CLOCK: variants seen among roughly 807,000 people sequenced by gnomAD.
CLOCK encodes the protein clock circadian regulator.
CLOCK carries 43 observed loss-of-function variants against 118.4 expected under a neutral mutation model. The ratio of observed to expected loss-of-function variants is 0.36; its 90% CI spans 0.28 to 0.47. The LOEUF (loss-of-function observed/expected upper bound fraction) is 0.47, where lower values mean the gene tolerates loss of function less well. CLOCK is among the 20% of genes least tolerant of loss of function. CLOCK has a pLI of 1.00. For missense variants in CLOCK, 846 were observed against 999.9 expected (o/e 0.85, Z 2.08); for synonymous variants, 326 against 339.2 (o/e 0.96, Z 0.43).
At position 55,487,774 on chromosome 4, in the gene CLOCK, T is replaced by C. The variant is rs183625159; in HGVS notation, c.-44+1600A>G. Among the ~76,000 whole-genome samples, 548 of 152,326 alleles carry C rather than the reference T, an allele frequency of 3.6e-3. 3 individuals are homozygous for C. Among genetic ancestry groups the C allele is most frequent in the Non-Finnish European group, 6.6e-3 (451 of 68,020 alleles). On this transcript the variant is annotated intron_variant, in intron 3 of 22. Coordinates refer to ENST00000513440, the MANE Select transcript of CLOCK (RefSeq NM_004898.4). ...TTCAATTCATGAAAATTATAGAGGTTCTACAGTGCCAAGAAGTTTGTTTCA... is the reference window on the plus strand; with the variant it reads ...TTCAATTCATGAAAATTATAGAGGTCCTACAGTGCCAAGAAGTTTGTTTCA...
rs1411457169 is a variant in CLOCK, at chr4:55,435,163, A to T, written c.*252T>A. 3.9e-6 allele frequency: 2 copies of T among 506,756 alleles called. No individual in the cohort carries two copies. Among genetic ancestry groups the T allele is most frequent in the East Asian group, 7.1e-5 (2 of 28,296 alleles). 31.4% of individuals were successfully genotyped at this position (506,756 alleles called of 1,614,324 possible). A position where few individuals can be genotyped will look rare whatever the true frequency, so the allele number is the denominator to read the frequency against. ...TTGGCAATATATTCTTTTTCCATCA[A>T]AAAATATCCAGGCACCTAAAACACT... On this transcript the variant is annotated 3_prime_UTR_variant, in exon 23 of 23. Transcript: ENST00000513440.
At chr4:55,504,755 G>T (rs1728693097) in intron 2 of CLOCK, among the ~76,000 whole-genome samples, 1 of 152,124 alleles carries the variant, frequency 6.6e-6, no homozygotes, top group African/African-American at 2.4e-5. Context: ...GAAAAATACT[G>T]CTAATATAAA....
intron 11 of CLOCK, among the ~76,000 whole-genome samples, chr4:55,457,526 T>C (rs17085763): frequency 0.14 from 21,633 of 152,236 alleles, 3,267 homozygotes; most frequent in African/African-American, 0.38. Context: ...AAATATTATA[T>C]GACTTCCCTG....
chr4:55,539,258 A>C (rs899719295), intron 1 of CLOCK, among the ~76,000 whole-genome samples: 37 of 149,668 alleles, frequency 2.5e-4, no homozygotes, highest in South Asian at 6.4e-4. Context: ...ACAACAACAA[A>C]AAAAACACCA....
At chr4:55,468,172 C>G (rs1725864560) in intron 8 of CLOCK, among the ~76,000 whole-genome samples, 1 of 152,084 alleles carries the variant, frequency 6.6e-6, no homozygotes, top group Non-Finnish European at 1.5e-5. Context: ...GCTGCCCAGG[C>G]TGGTCTTGAA....
chr4:55,496,151 A>C (rs1728065664), intron 2 of CLOCK, among the ~76,000 whole-genome samples: 1 of 152,072 alleles, frequency 6.6e-6, no homozygotes, highest in Non-Finnish European at 1.5e-5. Flanking sequence ...ATTGCTCCAC[A>C]GCACTCCATC....
At chr4:55,543,012 C>T (rs1470502312) in intron 1 of CLOCK, among the ~76,000 whole-genome samples, 1 of 152,082 alleles carries the variant, frequency 6.6e-6, no homozygotes, top group Non-Finnish European at 1.5e-5. Context: ...CTCCTGGGTT[C>T]AAGTGATCCC....
Position 55,430,071 on chromosome 4 carries a change from TATAA to T in CLOCK, c.*5340_*5343del, listed in dbSNP as rs994396840. On this transcript the variant is annotated 3_prime_UTR_variant, in exon 23 of 23. Coordinates refer to ENST00000513440, the MANE Select transcript of CLOCK (RefSeq NM_004898.4). The stretch of plus-strand genomic sequence containing the variant: ...AACAGAACACACAGGTATTTTAAAA[TATAA>T]ATAAATACATTTAGCCATTTTTATT... 2 of 152,200 alleles carry T rather than the reference TATAA, an allele frequency of 1.3e-5. No homozygotes were observed. The highest frequency in any genetic ancestry group is 1.9e-4 in the East Asian group (1 of 5,202). 9.4% of individuals were successfully genotyped at this position (152,200 alleles called of 1,614,324 possible).
chr4:55,515,827 A>G (rs1267762417), intron 1 of CLOCK, among the ~76,000 whole-genome samples: 2 of 152,170 alleles, frequency 1.3e-5, no homozygotes, highest in African/African-American at 4.8e-5. Context: ...CCCTCTAGGC[A>G]TTCCATTTGT....
At chr4:55,531,910 C>CA (rs770595726) in intron 1 of CLOCK, among the ~76,000 whole-genome samples, 1 of 147,698 alleles carries the variant, frequency 6.8e-6, no homozygotes, top group Admixed American at 6.8e-5. Flanking sequence ...TTAAAAAAAA[C>CA]AAAAACAAAA....
intron 1 of CLOCK, among the ~76,000 whole-genome samples, chr4:55,514,116 C>T (rs1522110): frequency 0.61 from 93,129 of 151,886 alleles, 29,392 homozygotes; most frequent in South Asian, 0.81. Context: ...TTTTATCTTA[C>T]TGCATTAGCT....
intron 22 of CLOCK, 135 bp from the exon 23 acceptor site, chr4:55,435,729 G>T: frequency 1.1e-6 from 1 of 900,858 alleles, no homozygotes; most frequent in Non-Finnish European, 1.8e-6. Flanking sequence ...TTCACTCTCT[G>T]GTTTAAAAAT....
Position 55,458,977 on chromosome 4 carries a change from G to C in CLOCK, c.707C>G (p.Thr236Ser). The change falls in exon 11 of 23, where the codon ACT (threonine) becomes AGT (serine). Residue 236 changes from threonine (T) to serine (S), a missense_variant. Thr to Ser is a moderately conservative substitution (Grantham distance 58). Coordinates refer to ENST00000513440, the MANE Select transcript of CLOCK (RefSeq NM_004898.4). ...AGATGGCCTATGTGTGCGTTGTATAGTTCCTTCAAAACCATTGTGTGCTGA... is the reference window on the plus strand; with the variant it reads ...AGATGGCCTATGTGTGCGTTGTATACTTCCTTCAAAACCATTGTGTGCTGA... ...SSSAHNGFEG[T>S]IQRTHRPSYE... 6.2e-7 allele frequency: 1 copy of C among 1,613,912 alleles called. No individual in the cohort carries two copies. The highest frequency in any genetic ancestry group is 8.5e-7 in the Non-Finnish European group (1 of 1,179,874).
At chr4:55,533,605 G>A (rs530298635) in intron 1 of CLOCK, among the ~76,000 whole-genome samples, 4 of 152,220 alleles carry the variant, frequency 2.6e-5, no homozygotes, top group Admixed American at 6.5e-5. Context: ...TTGTAAATCC[G>A]TGAAAAAGTG....
intron 17 of CLOCK, 147 bp from the exon 18 acceptor site, chr4:55,449,015 CTATA>C: frequency 1.5e-6 from 1 of 676,286 alleles, no homozygotes; most frequent in Non-Finnish European, 2.6e-6. Context: ...GTCTTCTCAT[CTATA>C]TTGGAAAGGC....
At chr4:55,464,814 ACTTTT>A (rs1725621183) in intron 8 of CLOCK, among the ~76,000 whole-genome samples, 2 of 152,198 alleles carry the variant, frequency 1.3e-5, no homozygotes. Flanking sequence ...TTGGTGCCAT[ACTTTT>A]AATAACAAAA....
chr4:55,521,173 T>C (rs911895581), intron 1 of CLOCK, among the ~76,000 whole-genome samples: 7 of 152,252 alleles, frequency 4.6e-5, no homozygotes, highest in African/African-American at 1.7e-4. Context: ...GGAACTACAG[T>C]AATTTGTGTC....
intron 18 of CLOCK, among the ~76,000 whole-genome samples, 178 bp downstream of exon 18, chr4:55,448,601 C>CGCGCGTGTGTGTGTGTGTGTGTGT (rs764071880): frequency 2.6e-5 from 3 of 116,980 alleles, no homozygotes; most frequent in Non-Finnish European, 5.5e-5. Flanking sequence ...CGCACGCGCG[C>CGCGCGTGTGTGTGTGTGTGTGTGT]GTGTGTGTGT....
chr4:55,499,129 C>G (rs1728271413), intron 2 of CLOCK, among the ~76,000 whole-genome samples: 1 of 152,098 alleles, frequency 6.6e-6, no homozygotes, highest in Non-Finnish European at 1.5e-5. Flanking sequence ...TACTTTAAGG[C>G]TTTTTTCTGA....
Sources: gnomAD v4.1 joint callset for allele counts (sites outside exome capture counted in the v4.1 genomes callset) on GRCh38, gnomAD v4.1.1 for gene constraint, MANE v1.5 for transcripts, NCBI Gene and HGNC (gene_info 2026-07-23, HGNC 2026-07-21) for gene names.